Variants in HEXB observed in about 807,000 individuals in gnomAD.
The protein encoded by HEXB is beta-hexosaminidase subunit beta.
HEXB carries 51 observed loss-of-function variants against 71.2 expected under a neutral mutation model. That is an observed-to-expected ratio of 0.72 (90% CI 0.57 to 0.90). HEXB has a LOEUF of 0.90. Ranked by LOEUF, HEXB falls within the 40% of genes least tolerant of loss-of-function variation. The probability of loss-of-function intolerance (pLI) is 0.00; values close to 1 mark genes in which losing one functional copy is unlikely to be tolerated. For missense variants in HEXB, 617 were observed against 677.0 expected (o/e 0.91, Z 0.98); for synonymous variants, 266 against 249.3 (o/e 1.07, Z -0.63).
At chr5:74,643,376 G>A (rs1197894783) in intron 1 of HEXB, among the ~76,000 whole-genome samples, 4 of 152,142 alleles carry the variant, frequency 2.6e-5, no homozygotes, top group East Asian at 1.9e-4. Flanking sequence ...TCTAAACAGG[G>A]CTGTCATCAA....
chr5:74,687,629 G>T (rs935212543), intron 1 of HEXB, among the ~76,000 whole-genome samples: 1 of 152,080 alleles, frequency 6.6e-6, no homozygotes, highest in African/African-American at 2.4e-5. Flanking sequence ...AAGGTTCTAA[G>T]CCAGCTTCCA....
intron 13 of HEXB, 75 bp downstream of exon 13, chr5:74,720,822 AT>A (rs1450541473): frequency 4.3e-6 from 5 of 1,167,278 alleles, no homozygotes; most frequent in Non-Finnish European, 1.3e-6. Flanking sequence ...ATAAATAGAA[AT>A]GTATGTTACC....
At chr5:74,673,789 C>T (rs1270058351) in intron 1 of HEXB, among the ~76,000 whole-genome samples, 1 of 152,122 alleles carries the variant, frequency 6.6e-6, no homozygotes. Flanking sequence ...CTTCTCCATC[C>T]GGCATGCAGC....
chr5:74,648,577 G>A (rs1348615225), intron 1 of HEXB, among the ~76,000 whole-genome samples: 1 of 152,144 alleles, frequency 6.6e-6, no homozygotes, highest in African/African-American at 2.4e-5. Flanking sequence ...GAAACATCCC[G>A]GGGTTTTCCA....
chr5:74,682,324 C>G (rs1748754113), upstream of HEXB, among the ~76,000 whole-genome samples: 1 of 152,198 alleles, frequency 6.6e-6, no homozygotes. Flanking sequence ...CTCCACTGCG[C>G]CCCAGCCTGG....
intron 1 of HEXB, among the ~76,000 whole-genome samples, chr5:74,646,229 TG>T (rs1385384912): frequency 1.2e-4 from 18 of 152,322 alleles, no homozygotes; most frequent in African/African-American, 4.1e-4. Flanking sequence ...CTTAGTAAAC[TG>T]CTTAAGGAGA....
At chr5:74,690,471 GA>G (rs34754618) in intron 2 of HEXB, among the ~76,000 whole-genome samples, 30,712 of 151,368 alleles carry the variant, frequency 0.2, 3,306 homozygotes, top group African/African-American at 0.25. Flanking sequence ...CCAATATGCT[GA>G]AACTGCATCC....
chr5:74,697,024 A>G lies in HEXB; in HGVS notation c.587A>G (p.Asp196Gly). 6.3e-7 allele frequency: 1 copy of G among 1,576,286 alleles called. No individual in the cohort carries two copies. The highest frequency in any genetic ancestry group is 8.7e-7 in the Non-Finnish European group (1 of 1,146,608). The change falls in exon 5 of 14, where the codon GAT (aspartate) becomes GGT (glycine). Residue 196 changes from aspartate to glycine, a missense_variant. Transcript: ENST00000261416. ...ACCATCAATGAATCCACCATTATTG[A>G]TTCTCCAAGGTTTTCTCACAGAGGA... ...TFTINESTII[D>G]SPRFSHRGIL...
chr5:74,714,913 G>A (rs1373016602), intron 7 of HEXB, among the ~76,000 whole-genome samples: 7 of 152,102 alleles, frequency 4.6e-5, no homozygotes, highest in African/African-American at 1.7e-4. Flanking sequence ...TAACATGATG[G>A]GAACCACACT....
intron 1 of HEXB, among the ~76,000 whole-genome samples, chr5:74,664,483 C>T (rs820860): frequency 0.65 from 94,083 of 145,220 alleles, 31,422 homozygotes; most frequent in African/African-American, 0.81. Context: ...GAATAGATGG[C>T]GCTGTTAACC....
Position 74,696,741 on chromosome 5 carries a change from TA to T in HEXB, c.558+4del. On this transcript the variant is annotated splice_donor_region_variant and intron_variant, in intron 4 of 13. Coordinates refer to ENST00000261416, the MANE Select transcript of HEXB (RefSeq NM_000521.4). ...GTTTATCAAGATTCTTATGGAACTG[TA>T]AGTATGATTATTATATGTTACTAAA... 1 of 1,392,658 alleles carries T rather than the reference TA, an allele frequency of 7.2e-7. No individual in the cohort carries two copies. The highest frequency in any genetic ancestry group is 1.0e-6 in the Non-Finnish European group (1 of 979,394). The allele number at this position is 1,392,658 out of a possible 1,614,324, so 86.3% of individuals were successfully genotyped here.
intron 1 of HEXB, among the ~76,000 whole-genome samples, chr5:74,649,645 C>G (rs1487449793): frequency 6.6e-6 from 1 of 152,194 alleles, no homozygotes; most frequent in Non-Finnish European, 1.5e-5. Context: ...TCTTGGTTTA[C>G]TTTGCTCCAT....
At chr5:74,716,531 A>C in intron 8 of HEXB, 56 bp from the exon 9 acceptor site, 1 of 1,064,630 alleles carries the variant, frequency 9.4e-7, no homozygotes, top group Admixed American at 1.7e-5. Flanking sequence ...ACTGCTCTAA[A>C]TAATAAACTG....
intron 6 of HEXB, among the ~76,000 whole-genome samples, chr5:74,707,513 C>T (rs947112573): frequency 2.0e-5 from 3 of 152,064 alleles, no homozygotes; most frequent in African/African-American, 7.2e-5. Context: ...GAAATTCAAA[C>T]CAAAGGCAAA....
At chr5:74,707,277 CA>C (rs1224324972) in intron 6 of HEXB, among the ~76,000 whole-genome samples, 1 of 152,292 alleles carries the variant, frequency 6.6e-6, no homozygotes, top group Admixed American at 6.5e-5. Context: ...ACATCCACAC[CA>C]AAAACCCATC....
At chr5:74,684,679 T>C (rs16872201), upstream of HEXB, among the ~76,000 whole-genome samples, 16,578 of 140,316 alleles carry the variant, frequency 0.12, 1,151 homozygotes, top group East Asian at 0.21. Flanking sequence ...CTTTTCTTTT[T>C]TTTTTTTTTT....
At chr5:74,663,497 G>T (rs995511692) in intron 1 of HEXB, among the ~76,000 whole-genome samples, 2 of 152,020 alleles carry the variant, frequency 1.3e-5, no homozygotes, top group Admixed American at 1.3e-4. Flanking sequence ...GGCAAAAGAT[G>T]ACCTCTTTCT....
chr5:74,671,779 A>G (rs1010964601), intron 1 of HEXB, among the ~76,000 whole-genome samples: 1 of 152,176 alleles, frequency 6.6e-6, no homozygotes, highest in South Asian at 2.1e-4. Context: ...TCAAACACTG[A>G]TATTTTTTTC....
chr5:74,650,925 CAAAAAA>C lies in HEXB; in HGVS notation c.-377+10383_-377+10388del, dbSNP rs34224491. On this transcript the variant is annotated intron_variant, in intron 1 of 13. Coordinates refer to the HEXB transcript ENST00000511181. ...TGGGCAACAGCGTGAGACTCTGTCT[CAAAAAA>C]AAAAAAAAAAAAAAAGGCAACTGCA... is the stretch of plus-strand genomic sequence containing the variant. Among the ~76,000 whole-genome samples the C allele has an allele frequency of 4.1e-3, 388 of 95,474 alleles. 1 individual carries two copies. The highest frequency in any genetic ancestry group is 0.015 in the African/African-American group (364 of 25,094). 62.6% of individuals were successfully genotyped at this position (95,474 alleles called of 152,430 possible). A position where few individuals can be genotyped will look rare whatever the true frequency, so the allele number is the denominator to read the frequency against.
Sources: allele counts gnomAD v4.1 joint callset (sites outside exome capture counted in the v4.1 genomes callset), GRCh38; gene constraint gnomAD v4.1.1; transcripts MANE v1.5; gene names NCBI Gene and HGNC (gene_info 2026-07-23, HGNC 2026-07-21).